Variants in PDE7A observed in about 807,000 individuals in gnomAD.
The protein encoded by PDE7A is high affinity 3',5'-cyclic-AMP phosphodiesterase 7A.
PDE7A carries 39 observed loss-of-function variants against 64.3 expected under a neutral mutation model. The observed-to-expected ratio is 0.61, with a 90% CI of 0.47 to 0.79. PDE7A has a LOEUF of 0.79. Among genes scored for constraint, PDE7A ranks in the 30% least tolerant of loss-of-function variants. PDE7A has a pLI of 0.00. For synonymous variants in PDE7A, 203 were observed against 206.8 expected, an observed-to-expected ratio of 0.98 and a Z score of 0.16; for missense variants, 470 against 582.8, an observed-to-expected ratio of 0.81 and a Z score of 1.99.
chr8:65,741,305 C>T (rs1032391755), intron 5 of PDE7A, among the ~76,000 whole-genome samples: 1 of 152,094 alleles, frequency 6.6e-6, no homozygotes, highest in Non-Finnish European at 1.5e-5. Context: ...AGTATTCTCT[C>T]GTCTATGATG....
At chr8:65,783,554 T>A (rs560925871) in intron 1 of PDE7A, among the ~76,000 whole-genome samples, 47 of 143,992 alleles carry the variant, frequency 3.3e-4, no homozygotes, top group South Asian at 3.0e-3. Flanking sequence ...AGGGATTCCC[T>A]GACTACCAAA....
chr8:65,817,480 T>C (rs1017416672), intron 1 of PDE7A, among the ~76,000 whole-genome samples: 44 of 152,232 alleles, frequency 2.9e-4, no homozygotes, highest in African/African-American at 1.1e-3. Context: ...TTTCTACTGT[T>C]ATTTTCCTGC....
At chr8:65,780,608 A>G (rs1310183586) in intron 2 of PDE7A, among the ~76,000 whole-genome samples, 1 of 152,194 alleles carries the variant, frequency 6.6e-6, no homozygotes, top group African/African-American at 2.4e-5. Context: ...AGAGATAGGA[A>G]TCTTAATCCT....
At chr8:65,749,415 C>T (rs1161340445) in intron 3 of PDE7A, among the ~76,000 whole-genome samples, 1 of 152,146 alleles carries the variant, frequency 6.6e-6, no homozygotes, top group Non-Finnish European at 1.5e-5. Flanking sequence ...TCCCATTTTT[C>T]ATTCCAGTGA....
intron 3 of PDE7A, among the ~76,000 whole-genome samples, chr8:65,751,345 AGAAGG>A (rs759207500): frequency 1.2e-4 from 18 of 152,326 alleles, no homozygotes; most frequent in Middle Eastern, 3.4e-3. Context: ...TTCAAAAACA[AGAAGG>A]GAGGGAAGAA....
At chr8:65,823,052 A>G (rs1357475304) in intron 1 of PDE7A, among the ~76,000 whole-genome samples, 1 of 152,166 alleles carries the variant, frequency 6.6e-6, no homozygotes, top group Non-Finnish European at 1.5e-5. Flanking sequence ...TTCAAGTTTT[A>G]TTTTTCTATT....
chr8:65,830,798 T>C (rs940704760), intron 1 of PDE7A, among the ~76,000 whole-genome samples: 1 of 152,080 alleles, frequency 6.6e-6, no homozygotes, highest in Non-Finnish European at 1.5e-5. Context: ...AATAAAGCAC[T>C]TTTTATTCCC....
chr8:65,723,808 A>C (rs1806494171), intron 11 of PDE7A, among the ~76,000 whole-genome samples, 187 bp from the exon 12 acceptor site: 1 of 152,194 alleles, frequency 6.6e-6, no homozygotes, highest in South Asian at 2.1e-4. Flanking sequence ...TGCCAAGCTG[A>C]TATTTTTATT....
chr8:65,797,191 A>C (rs1809865590), intron 1 of PDE7A, among the ~76,000 whole-genome samples: 1 of 152,184 alleles, frequency 6.6e-6, no homozygotes, highest in Non-Finnish European at 1.5e-5. Flanking sequence ...CCCCCAAAAG[A>C]TATGTCAAAG....
rs146865185 is a variant in PDE7A at position 65,788,363 on chromosome 8, T to C, written c.139-5520A>G. 3.3e-5 allele frequency among the ~76,000 whole-genome samples: 5 copies of C among 152,342 alleles called. No homozygotes were observed. The East Asian group carries it at 9.6e-4, about 29-fold the overall frequency. ...AATTCAACTTCAAAAACAACATATA[T>C]GTAATCCTACATTTATGTCATTATA... On this transcript the variant is annotated intron_variant, in intron 1 of 12. Coordinates refer to ENST00000401827, the MANE Select transcript of PDE7A (RefSeq NM_001242318.3).
intron 3 of PDE7A, among the ~76,000 whole-genome samples, chr8:65,777,539 C>T (rs184873900): frequency 6.6e-6 from 1 of 152,134 alleles, no homozygotes; most frequent in African/African-American, 2.4e-5. Flanking sequence ...CCTCTATATT[C>T]ATGAGCGATT....
intron 6 of PDE7A, among the ~76,000 whole-genome samples, chr8:65,737,217 A>G (rs1807177554): frequency 6.6e-6 from 1 of 152,122 alleles, no homozygotes; most frequent in Admixed American, 6.5e-5. Context: ...TAATCCATTG[A>G]AGCCAATGGA....
chr8:65,722,808 G>C (rs1016198029), intron 12 of PDE7A: 10 of 152,224 alleles, frequency 6.6e-5, no homozygotes, highest in African/African-American at 1.9e-4. Context: ...AAGTGGATCA[G>C]GCACTTTGGA....
At chr8:65,839,010 T>G (rs1225918365) in intron 1 of PDE7A, among the ~76,000 whole-genome samples, 1 of 152,234 alleles carries the variant, frequency 6.6e-6, no homozygotes, top group African/African-American at 2.4e-5. Flanking sequence ...TGCTGTACCT[T>G]CATGCTCCAT....
rs1451769115 is a variant in PDE7A at position 65,761,066 on chromosome 8, T to TC, written c.284-13264_284-13263insG. Among the ~76,000 whole-genome samples the TC allele has an allele frequency of 5.7e-4, 84 of 146,286 alleles. No individual in the cohort carries two copies. In the Middle Eastern group the frequency reaches 0.021, roughly 37 times the overall value. ...CCTTCTTACCAATATTGTTTTTTCT[T>TC]TTTTTTTTTTTTAGACGGAGTCTCG... is the stretch of plus-strand genomic sequence containing the variant. On this transcript the variant is annotated intron_variant, in intron 3 of 12. Coordinates refer to ENST00000401827, the MANE Select transcript of PDE7A (RefSeq NM_001242318.3).
At chr8:65,775,479 A>G (rs1809233488) in intron 3 of PDE7A, among the ~76,000 whole-genome samples, 1 of 152,204 alleles carries the variant, frequency 6.6e-6, no homozygotes, top group Admixed American at 6.5e-5. Flanking sequence ...GTCTTTAATT[A>G]TCACGTTTTT....
At chr8:65,818,435 C>T (rs181239794) in intron 1 of PDE7A, among the ~76,000 whole-genome samples, 1 of 152,288 alleles carries the variant, frequency 6.6e-6, no homozygotes, top group African/African-American at 2.4e-5. Context: ...TATCTCTGCT[C>T]ATTTTTTTAA....
chr8:65,737,196 T>G (rs577641329), intron 6 of PDE7A, among the ~76,000 whole-genome samples: 74 of 152,276 alleles, frequency 4.9e-4, no homozygotes, highest in African/African-American at 1.8e-3. Context: ...CCAGATATGC[T>G]GCACAAAAGA....
chr8:65,736,221 T>TACCAACATGGCTGATCTGATA (rs1482878285), intron 6 of PDE7A, among the ~76,000 whole-genome samples: 65 of 152,236 alleles, frequency 4.3e-4, no homozygotes, highest in Non-Finnish European at 7.8e-4. Flanking sequence ...AGCACTGTGA[T>TACCAACATGGCTGATCTGATA]ACCAACATGG....
Sources: gnomAD v4.1 joint callset for allele counts (sites outside exome capture counted in the v4.1 genomes callset) on GRCh38, gnomAD v4.1.1 for gene constraint, MANE v1.5 for transcripts, NCBI Gene and HGNC (gene_info 2026-07-23, HGNC 2026-07-21) for gene names.